The following CLVS2 variants were observed in gnomAD, a reference collection of about 807,000 sequenced individuals.
The protein encoded by CLVS2 is clavesin-2.
A neutral mutation model predicts 29.0 loss-of-function variants in CLVS2; 19 were observed. The observed-to-expected ratio is 0.66, with a 90% CI of 0.46 to 0.96. The LOEUF (loss-of-function observed/expected upper bound fraction) is 0.96. CLVS2 is among the 40% of genes least tolerant of loss of function. CLVS2 has a pLI of 0.00. For missense variants in CLVS2, 294 were observed against 404.1 expected (o/e 0.73, Z 2.34); for synonymous variants, 161 against 151.3 (o/e 1.06, Z -0.47).
chr6:123,033,466 TA>T (rs1775110456), intron 3 of CLVS2, among the ~76,000 whole-genome samples: 1 of 152,072 alleles, frequency 6.6e-6, no homozygotes, highest in Non-Finnish European at 1.5e-5. Flanking sequence ...AGTTGAAATA[TA>T]GCTTTTCAAC....
At chr6:123,008,936 G>C (rs917845073) in intron 2 of CLVS2, among the ~76,000 whole-genome samples, 2 of 151,908 alleles carry the variant, frequency 1.3e-5, no homozygotes, top group African/African-American at 4.8e-5. Flanking sequence ...TAGTTTTTTG[G>C]ATGCTGTATC....
chr6:123,049,806 G>GAT (rs1554203169), intron 4 of CLVS2, among the ~76,000 whole-genome samples: 1 of 139,100 alleles, frequency 7.2e-6, no homozygotes, highest in African/African-American at 3.1e-5. Flanking sequence ...TTGTGGGATG[G>GAT]GGGGCGGGGA....
chr6:123,037,413 T>G (rs1775170230), intron 3 of CLVS2, among the ~76,000 whole-genome samples: 1 of 152,178 alleles, frequency 6.6e-6, no homozygotes, highest in African/African-American at 2.4e-5. Flanking sequence ...CTGCCAGTAC[T>G]AACAGCTTTG....
chr6:123,056,209 A>G (rs1369434788), intron 5 of CLVS2, among the ~76,000 whole-genome samples, 183 bp downstream of exon 5: 2 of 152,280 alleles, frequency 1.3e-5, no homozygotes. Context: ...TTATAGTGAG[A>G]ACATTTAAAA....
At chr6:123,001,914 CATA>C (rs1774593578) in intron 2 of CLVS2, among the ~76,000 whole-genome samples, 1 of 152,142 alleles carries the variant, frequency 6.6e-6, no homozygotes, top group Non-Finnish European at 1.5e-5. Flanking sequence ...TCACCTGAAA[CATA>C]ATGATGATAG....
At chr6:123,041,886 G>C (rs1218075705) in intron 3 of CLVS2, among the ~76,000 whole-genome samples, 1 of 152,002 alleles carries the variant, frequency 6.6e-6, no homozygotes, top group Admixed American at 6.6e-5. Context: ...CTACATTCTA[G>C]TGCATATTTG....
At chr6:123,060,096 A>C (rs1772753766) in intron 5 of CLVS2, among the ~76,000 whole-genome samples, 1 of 152,236 alleles carries the variant, frequency 6.6e-6, no homozygotes, top group African/African-American at 2.4e-5. Flanking sequence ...CCTATGTTCC[A>C]CACTGATTCC....
chr6:123,018,997 C>T (rs1011523161), intron 3 of CLVS2, among the ~76,000 whole-genome samples: 3 of 152,004 alleles, frequency 2.0e-5, no homozygotes, highest in Non-Finnish European at 4.4e-5. Flanking sequence ...TTCAGTGGCC[C>T]GTATTCCTTC....
chr6:123,053,408 T>A (rs1048935803), intron 4 of CLVS2, among the ~76,000 whole-genome samples: 1 of 152,038 alleles, frequency 6.6e-6, no homozygotes, highest in African/African-American at 2.4e-5. Context: ...TGCCAAGAAG[T>A]ATTTAGGATG....
chr6:123,061,032 G>A (rs1289994935), intron 5 of CLVS2, among the ~76,000 whole-genome samples: 2 of 152,248 alleles, frequency 1.3e-5, no homozygotes, highest in African/African-American at 2.4e-5. Flanking sequence ...TGGGCACAGT[G>A]GCCCATGCCT....
intron 3 of CLVS2, among the ~76,000 whole-genome samples, chr6:123,015,059 G>A (rs1774807177): frequency 6.6e-6 from 1 of 151,972 alleles, no homozygotes. Context: ...ACAAAAACAG[G>A]TAGGACATAC....
chr6:123,019,732 C>T (rs1358162562), intron 3 of CLVS2, among the ~76,000 whole-genome samples: 10 of 151,908 alleles, frequency 6.6e-5, no homozygotes, highest in Non-Finnish European at 8.8e-5. Flanking sequence ...ATATATAAGG[C>T]GATTTATTAT....
chr6:123,048,649 A>G lies in CLVS2; in HGVS notation c.592A>G (p.Ile198Val). The G allele has an allele frequency of 6.2e-7, 1 of 1,613,262 alleles. No homozygotes were observed. The highest frequency in any genetic ancestry group is 8.5e-7 in the Non-Finnish European group (1 of 1,179,394). Residue 198 changes from isoleucine to valine, a missense_variant, in exon 4 of 6, where the codon ATT becomes GTT. Around this residue, in one of 2 missense-constraint regions of CLVS2, gnomAD observed 212 missense variants for 336.4 expected, o/e 0.63. Transcript: ENST00000275162. ...TAGTTTCCCAGCGCGATTTGGAGGA[A>G]TTCATTTTGTCAATCAACCATGGTA... ...QDSFPARFGG[I>V]HFVNQPWYIH...
intron 3 of CLVS2, among the ~76,000 whole-genome samples, chr6:123,044,302 T>G (rs1436991348): frequency 6.6e-6 from 1 of 152,198 alleles, no homozygotes; most frequent in African/African-American, 2.4e-5. Flanking sequence ...GTCAAACAAC[T>G]GCCGCTTAAA....
intron 2 of CLVS2, among the ~76,000 whole-genome samples, chr6:123,009,252 C>A (rs986959178): frequency 1.3e-5 from 2 of 152,016 alleles, no homozygotes; most frequent in Non-Finnish European, 1.5e-5. Context: ...AACTGATCCT[C>A]AGAATTATAA....
At chr6:123,006,055 T>C (rs1297198559) in intron 2 of CLVS2, among the ~76,000 whole-genome samples, 1 of 152,296 alleles carries the variant, frequency 6.6e-6, no homozygotes, top group East Asian at 1.9e-4. Context: ...CTTATATGTC[T>C]GGGGCCATAG....
intron 2 of CLVS2, among the ~76,000 whole-genome samples, chr6:123,010,461 T>C (rs1258997087): frequency 6.6e-6 from 1 of 152,060 alleles, no homozygotes; most frequent in Non-Finnish European, 1.5e-5. Flanking sequence ...TATTTATATT[T>C]ATCTCCTTCT....
intron 2 of CLVS2, among the ~76,000 whole-genome samples, chr6:123,009,103 T>A (rs902099369): frequency 6.6e-6 from 1 of 152,076 alleles, no homozygotes; most frequent in South Asian, 2.1e-4. Flanking sequence ...ACTGAACACC[T>A]GTTTATACCG....
At chr6:123,001,338 C>T (rs1156311439) in intron 2 of CLVS2, among the ~76,000 whole-genome samples, 4 of 152,062 alleles carry the variant, frequency 2.6e-5, no homozygotes, top group Non-Finnish European at 5.9e-5. Flanking sequence ...AGAGACATGG[C>T]ATCATTAAGA....
Sources: gnomAD v4.1 joint callset for allele counts (sites outside exome capture counted in the v4.1 genomes callset) on GRCh38, gnomAD v4.1.1 for gene constraint, gnomAD v4.1.1 regional missense constraint, MANE v1.5 for transcripts, NCBI Gene and HGNC (gene_info 2026-07-23, HGNC 2026-07-21) for gene names.